The following TRPC5 variants were observed in gnomAD, a reference collection of about 807,000 sequenced individuals.
TRPC5 encodes transient receptor potential cation channel subfamily C member 5, also known as short transient receptor potential channel 5.
In TRPC5, 9 loss-of-function variants were observed where a neutral mutation model predicts 56.5. The ratio of observed to expected loss-of-function variants is 0.16; its 90% confidence interval spans 0.10 to 0.28. The LOEUF is 0.28. TRPC5 is among the 10% of genes least tolerant of loss of function. The probability of loss-of-function intolerance (pLI) is 1.00; values close to 1 mark genes in which losing one functional copy is unlikely to be tolerated. For synonymous variants in TRPC5, 282 were observed against 278.5 expected, an observed-to-expected ratio of 1.01 and a Z score of -0.13; for missense variants, 469 against 748.9, an observed-to-expected ratio of 0.63 and a Z score of 4.36.
chrX:111,909,784 G>A (rs894732683), intron 3 of TRPC5, among the ~76,000 whole-genome samples: 1 of 111,321 alleles, frequency 9.0e-6, no homozygotes, highest in Non-Finnish European at 1.9e-5. Flanking sequence ...GAACACAAGG[G>A]ACAAAATTTC....
chrX:111,952,031 A>G lies in TRPC5; in HGVS notation c.378+12T>C. ...GCCTGGCTATTTCCCAGCCTATAGG[A>G]ATTTCTCTTACCTGCTTCTCTCCGC... On this transcript the variant is annotated intron_variant, in intron 2 of 10. Transcript: ENST00000262839. 8.4e-7 allele frequency: 1 copy of G among 1,194,016 alleles called. No homozygotes were observed.
At chrX:111,807,179 A>G (rs1485705939) in intron 7 of TRPC5, among the ~76,000 whole-genome samples, 1 of 111,335 alleles carries the variant, frequency 9.0e-6, no homozygotes, top group Non-Finnish European at 1.9e-5. Context: ...CTCTTTCTCT[A>G]CATCCCCTTT....
intron 2 of TRPC5, among the ~76,000 whole-genome samples, chrX:111,926,069 C>T (rs1376763141): frequency 1.8e-5 from 2 of 112,318 alleles, no homozygotes; most frequent in Non-Finnish European, 1.9e-5. Context: ...CCTGGGAGCA[C>T]TATGGCCCTG....
intron 6 of TRPC5, among the ~76,000 whole-genome samples, chrX:111,837,454 T>G (rs1201086775): frequency 9.0e-6 from 1 of 111,309 alleles, no homozygotes. Flanking sequence ...AGTTCAGAAT[T>G]TTAAAGAGCA....
chrX:112,019,555 C>T (rs917736805), intron 1 of TRPC5, among the ~76,000 whole-genome samples: 1 of 110,976 alleles, frequency 9.0e-6, no homozygotes, highest in Admixed American at 9.5e-5. Context: ...CCTGCCTCAG[C>T]CTCCCGACTA....
At chrX:111,900,433 C>T (rs1029475627) in intron 3 of TRPC5, among the ~76,000 whole-genome samples, 5 of 111,739 alleles carry the variant, frequency 4.5e-5, no homozygotes, top group Middle Eastern at 4.6e-3. Context: ...GCCATATAGA[C>T]CTGGACTATT....
intron 1 of TRPC5, among the ~76,000 whole-genome samples, chrX:111,989,759 T>C (rs1170004243): frequency 8.9e-6 from 1 of 112,220 alleles, no homozygotes; most frequent in Non-Finnish European, 1.9e-5. Flanking sequence ...AATACTGAAC[T>C]GCAGTTAAAA....
intron 1 of TRPC5, among the ~76,000 whole-genome samples, chrX:112,035,795 C>T (rs1929722020): frequency 9.2e-6 from 1 of 108,298 alleles, no homozygotes; most frequent in Non-Finnish European, 1.9e-5. Flanking sequence ...CCATGCCTGG[C>T]TAATTTTTTG....
At chrX:111,889,887 T>C (rs765189828) in intron 3 of TRPC5, among the ~76,000 whole-genome samples, 1 of 111,551 alleles carries the variant, frequency 9.0e-6, no homozygotes, top group South Asian at 3.8e-4. Context: ...AGCTAGGCTT[T>C]TTGTATCTTT....
At chrX:111,942,491 T>TG (rs1409180280) in intron 2 of TRPC5, among the ~76,000 whole-genome samples, 2 of 111,320 alleles carry the variant, frequency 1.8e-5, no homozygotes, top group African/African-American at 3.3e-5. Context: ...AAGAGTAGCT[T>TG]GGGGGGCAGG....
chrX:112,008,614 A>C (rs560753846), intron 1 of TRPC5, among the ~76,000 whole-genome samples: 14 of 106,584 alleles, frequency 1.3e-4, no homozygotes, highest in African/African-American at 3.9e-4. Flanking sequence ...AAAAAAAAAA[A>C]ATATAGAGAG....
At chrX:111,933,405 C>T (rs900383408) in intron 2 of TRPC5, among the ~76,000 whole-genome samples, 4 of 111,033 alleles carry the variant, frequency 3.6e-5, no homozygotes, top group Admixed American at 1.9e-4. Context: ...GAGGACATGA[C>T]ATCATATGCA....
At chrX:111,935,301 T>C (rs923773199) in intron 2 of TRPC5, among the ~76,000 whole-genome samples, 10 of 112,232 alleles carry the variant, frequency 8.9e-5, no homozygotes, top group Admixed American at 8.5e-4. Flanking sequence ...TTTTGCCTAT[T>C]TGATAGGAAG....
At chrX:111,819,020 T>G (rs1269986966) in intron 7 of TRPC5, among the ~76,000 whole-genome samples, 2 of 112,019 alleles carry the variant, frequency 1.8e-5, no homozygotes, top group East Asian at 5.6e-4. Flanking sequence ...TGTCTAAAGA[T>G]GTACAGCTAG....
Position 111,774,417 on chromosome X carries a change from A to G in TRPC5, c.*1896T>C, listed in dbSNP as rs1945862610. 8.9e-6 allele frequency: 1 copy of G among 112,113 alleles called. No individual in the cohort carries two copies. The highest frequency in any genetic ancestry group is 3.2e-5 in the African/African-American group (1 of 30,897). 9.2% of individuals were successfully genotyped at this position (112,113 alleles called of 1,213,427 possible). A position where few individuals can be genotyped will look rare whatever the true frequency, so the allele number is the denominator to read the frequency against. On this transcript the variant is annotated 3_prime_UTR_variant, in exon 11 of 11. Transcript: ENST00000262839. The stretch of plus-strand genomic sequence containing the variant: ...TCTGTAACTTTAGAAACCTTTCTGG[A>G]AAGTAACCTGTGATTAAATGTCAAG...
intron 1 of TRPC5, among the ~76,000 whole-genome samples, chrX:112,043,645 TAAAA>T (rs370812753): frequency 0.16 from 12,155 of 75,631 alleles, 661 homozygotes; most frequent in African/African-American, 0.19. Flanking sequence ...TGAGAAGAGG[TAAAA>T]AAAAAAAAAA....
intron 1 of TRPC5, among the ~76,000 whole-genome samples, chrX:112,017,830 A>T: frequency 8.9e-6 from 1 of 112,124 alleles, no homozygotes; most frequent in East Asian, 2.8e-4. Flanking sequence ...CCTGCCATTC[A>T]TCTGGTTAAC....
intron 2 of TRPC5, among the ~76,000 whole-genome samples, chrX:111,928,502 A>G (rs1017978945): frequency 8.9e-6 from 1 of 112,221 alleles, no homozygotes; most frequent in Admixed American, 9.5e-5. Flanking sequence ...TCTCTCTGAT[A>G]TTACTTCCAA....
chrX:111,980,306 G>T (rs944874809), intron 1 of TRPC5, among the ~76,000 whole-genome samples: 9 of 111,370 alleles, frequency 8.1e-5, no homozygotes, highest in African/African-American at 2.9e-4. Context: ...ATCAATGGTT[G>T]CCTGTGGATG....
Sources: allele counts gnomAD v4.1 joint callset (sites outside exome capture counted in the v4.1 genomes callset), GRCh38; gene constraint gnomAD v4.1.1; transcripts MANE v1.5; gene names NCBI Gene and HGNC (gene_info 2026-07-23, HGNC 2026-07-21).